The following PLK4 variants were observed in gnomAD, a reference collection of about 807,000 sequenced individuals.
The protein encoded by PLK4 is serine/threonine-protein kinase PLK4.
In PLK4, 51 loss-of-function variants were observed where a neutral mutation model predicts 103.0. That is an observed-to-expected ratio of 0.50 (90% CI 0.40 to 0.63). PLK4 has a LOEUF of 0.63. Among genes scored for constraint, PLK4 ranks in the 20% least tolerant of loss-of-function variants. The pLI is 0.00. For missense variants in PLK4, 1,054 were observed against 1,151.0 expected, an observed-to-expected ratio of 0.92 and a Z score of 1.22; for synonymous variants, 389 against 376.8, an observed-to-expected ratio of 1.03 and a Z score of -0.38.
At position 127,886,721 on chromosome 4, in the gene PLK4, C is replaced by A; in HGVS notation, c.1351C>A (p.Gln451Lys). Residue 451 changes from glutamine to lysine, a missense_variant, in exon 5 of 16, where the codon CAA becomes AAA. Coordinates refer to ENST00000270861, the MANE Select transcript of PLK4 (RefSeq NM_014264.5). The part of the protein sequence containing the change: ...SGSFERPDNN[Q>K]ALSNHLCPGK... ...ATCTTTTGAAAGACCTGATAACAAT[C>A]AAGCACTGTAAGAATAATTCTATCA... 6.3e-7 allele frequency: 1 copy of A among 1,591,696 alleles called. No homozygotes were observed. Among genetic ancestry groups the A allele is most frequent in the Non-Finnish European group, 8.6e-7 (1 of 1,168,528 alleles).
intron 1 of PLK4, chr4:127,881,399 C>A: frequency 7.1e-7 from 1 of 1,417,088 alleles, no homozygotes; most frequent in East Asian, 2.6e-5. Flanking sequence ...GGCAGTGTCC[C>A]GAGGCACTGC....
intron 14 of PLK4, 38 bp from the exon 15 acceptor site, chr4:127,896,763 T>TTTTTTTC: frequency 8.2e-7 from 1 of 1,220,684 alleles, no homozygotes. Flanking sequence ...TTTTTTTTTT[T>TTTTTTTC]CTGTGCCTGT....
intron 15 of PLK4, 141 bp downstream of exon 15, chr4:127,897,048 T>G: frequency 3.6e-6 from 2 of 561,966 alleles, no homozygotes; most frequent in Admixed American, 3.1e-5. Context: ...TAATTATTCT[T>G]AGCAATTCAT....
At chr4:127,892,763 C>T (rs1578764677) in intron 10 of PLK4, 6 of 310,224 alleles carry the variant, frequency 1.9e-5, no homozygotes, top group East Asian at 7.5e-5. Flanking sequence ...AGTTTAACTA[C>T]GTCTAGGCTG....
intron 8 of PLK4, 130 bp from the exon 9 acceptor site, chr4:127,891,449 C>T: frequency 2.2e-6 from 1 of 451,720 alleles, no homozygotes; most frequent in Admixed American, 4.0e-5. Context: ...ATTACTTTTA[C>T]AGAATATTTA....
chr4:127,896,782 A>T lies in PLK4; in HGVS notation c.2704-19A>T, dbSNP rs11933723. On this transcript the variant is annotated intron_variant, in intron 14 of 15. Transcript: ENST00000270861. ...TTTTTTTCTGTGCCTGTTCTTACCC[A>T]TGCTTATTATTTTTCTAGTTAACTA... 583 of 1,392,242 alleles carry T rather than the reference A, an allele frequency of 4.2e-4. 1 individual carries two copies. In the African/African-American group the frequency reaches 7.8e-3, roughly 19 times the overall value. The allele number at this position is 1,392,242 out of a possible 1,614,324, so 86.2% of individuals were successfully genotyped here.
Position 127,891,667 on chromosome 4 carries a change from T to C in PLK4, c.2024T>C (p.Phe675Ser). 6.9e-7 allele frequency: 1 copy of C among 1,457,816 alleles called. No individual in the cohort carries two copies. Among genetic ancestry groups the C allele is most frequent in the South Asian group, 1.5e-5 (1 of 68,312 alleles). The allele number at this position is 1,457,816 out of a possible 1,614,324, so 90.3% of individuals were successfully genotyped here. Residue 675 changes from phenylalanine (F) to serine (S), a missense_variant, in exon 9 of 16, where the codon TTT becomes TCT. By Grantham distance (155) the Phe-to-Ser change is radical. This residue lies in a region of PLK4 where 680 missense variants were observed against 660.3 expected (regional missense o/e 1.03). Coordinates refer to ENST00000270861, the MANE Select transcript of PLK4 (RefSeq NM_014264.5). ...SPTDNISRYS[F>S]DNLPEKYWRK... ...ACTGACAACATCAGTAGGTACAGCT[T>C]TGACAATTTACCAGGTATGTGAATT...
intron 4 of PLK4, 133 bp from the exon 5 acceptor site, chr4:127,885,575 C>A: frequency 1.5e-6 from 1 of 648,584 alleles, no homozygotes; most frequent in Non-Finnish European, 2.6e-6. Flanking sequence ...GCTGGTAAAT[C>A]TAAGCTCCAA....
chr4:127,885,569 G>T, intron 4 of PLK4, 139 bp from the exon 5 acceptor site: 1 of 650,074 alleles, frequency 1.5e-6, no homozygotes. Flanking sequence ...GAAGTGGCTG[G>T]TAAATCTAAG....
At chr4:127,888,202 A>AAAAAAAAAAAAAAAAAAAAAAAAAAAAC (rs1735215780) in intron 6 of PLK4, among the ~76,000 whole-genome samples, 1 of 141,314 alleles carries the variant, frequency 7.1e-6, no homozygotes, top group Non-Finnish European at 1.6e-5. Flanking sequence ...AAAAAAAAAA[A>AAAAAAAAAAAAAAAAAAAAAAAAAAAAC]AAAAAAAAAA....
chr4:127,887,620 G>A (rs899322364), intron 6 of PLK4, 124 bp downstream of exon 6: 11 of 644,372 alleles, frequency 1.7e-5, no homozygotes, highest in Non-Finnish European at 2.5e-5. Flanking sequence ...GCTCATGCCT[G>A]TAATCCCAAC....
intron 1 of PLK4, 94 bp from the exon 2 acceptor site, chr4:127,881,737 C>T (rs1357291384): frequency 2.1e-5 from 16 of 776,266 alleles, no homozygotes; most frequent in Non-Finnish European, 3.5e-5. Context: ...GTCAAATTCC[C>T]CACTCGATCC....
chr4:127,885,345 G>A (rs1411091792), intron 4 of PLK4, among the ~76,000 whole-genome samples: 2 of 151,862 alleles, frequency 1.3e-5, no homozygotes, highest in Non-Finnish European at 2.9e-5. Context: ...CAGGCACGGT[G>A]GCGGGCGCCT....
chr4:127,890,634 T>A (rs780371150), intron 7 of PLK4, among the ~76,000 whole-genome samples: 6 of 152,284 alleles, frequency 3.9e-5, no homozygotes, highest in African/African-American at 1.2e-4. Context: ...CTGGAAAATA[T>A]AACTTTTATT....
At chr4:127,892,865 A>G (rs1233776668) in intron 10 of PLK4, among the ~76,000 whole-genome samples, 1 of 152,112 alleles carries the variant, frequency 6.6e-6, no homozygotes, top group Admixed American at 6.5e-5. Context: ...TTATAAATGT[A>G]GCAAAAAGGA....
Position 127,891,652 on chromosome 4 carries a change from T to A in PLK4, c.2009T>A (p.Ile670Asn). Residue 670 changes from isoleucine (I) to asparagine (N), a missense_variant, in exon 9 of 16, where the codon ATC becomes AAC. Physicochemically the swap from Ile to Asn is moderately radical, Grantham distance 149 (BLOSUM62 -3). This residue lies in a region of PLK4 where 680 missense variants were observed against 660.3 expected (regional missense o/e 1.03). Coordinates refer to ENST00000270861, the MANE Select transcript of PLK4 (RefSeq NM_014264.5). ...AGACCACCCTCACCTACTGACAACA[T>A]CAGTAGGTACAGCTTTGACAATTTA... Reference protein sequence around the residue: ...ADRPPSPTDNISRYSFDNLPE... With the variant: ...ADRPPSPTDNNSRYSFDNLPE... 6.5e-7 allele frequency: 1 copy of A among 1,532,174 alleles called. No homozygotes were observed. The highest frequency in any genetic ancestry group is 1.4e-5 in the African/African-American group (1 of 73,104). The allele number at this position is 1,532,174 out of a possible 1,614,324, so 94.9% of individuals were successfully genotyped here.
Position 127,880,937 on chromosome 4 carries a change from A to C in PLK4, c.-198A>C. The C allele has an allele frequency of 1.7e-6, 1 of 601,638 alleles. No homozygotes were observed. The highest frequency in any genetic ancestry group is 1.9e-5 in the African/African-American group (1 of 53,700). 37.3% of individuals were successfully genotyped at this position (601,638 alleles called of 1,614,324 possible). A position where few individuals can be genotyped will look rare whatever the true frequency, so the allele number is the denominator to read the frequency against. ...CGGCAAGCGGCGGGAGATTTTCAAA[A>C]TGGGAGCCCAGAGGCACCGCCCAGG... On this transcript the variant is annotated 5_prime_UTR_variant, in exon 1 of 16. The change abolishes an upstream ATG in the 5' untranslated region. Coordinates refer to ENST00000270861, the MANE Select transcript of PLK4 (RefSeq NM_014264.5).
chr4:127,882,530 C>T (rs1397138989), intron 2 of PLK4, among the ~76,000 whole-genome samples: 1 of 152,074 alleles, frequency 6.6e-6, no homozygotes, highest in Non-Finnish European at 1.5e-5. Context: ...GAGGCCGAGG[C>T]GGGTGGATCA....
At chr4:127,882,304 T>C (rs1006159305) in intron 2 of PLK4, among the ~76,000 whole-genome samples, 6 of 152,004 alleles carry the variant, frequency 3.9e-5, no homozygotes, top group African/African-American at 9.7e-5. Context: ...CTAATAGGAG[T>C]AACATAAACA....
Sources: gnomAD v4.1 joint callset for allele counts (sites outside exome capture counted in the v4.1 genomes callset) on GRCh38, gnomAD v4.1.1 for gene constraint, gnomAD v4.1.1 regional missense constraint, MANE v1.5 for transcripts, NCBI Gene and HGNC (gene_info 2026-07-23, HGNC 2026-07-21) for gene names.